The following LIFR variants were observed in gnomAD, a reference collection of about 807,000 sequenced individuals.
LIFR encodes the protein LIF receptor subunit alpha.
A neutral mutation model predicts 122.2 loss-of-function variants in LIFR; 84 were observed. The ratio of observed to expected loss-of-function variants is 0.69; its 90% CI spans 0.58 to 0.82. The LOEUF (loss-of-function observed/expected upper bound fraction) is 0.82. LIFR is among the 40% of genes least tolerant of loss of function. The probability of loss-of-function intolerance (pLI) is 0.00; values close to 1 mark genes in which losing one functional copy is unlikely to be tolerated. For missense variants in LIFR, 1,294 were observed against 1,311.6 expected, an observed-to-expected ratio of 0.99 and a Z score of 0.21; for synonymous variants, 422 against 434.7, an observed-to-expected ratio of 0.97 and a Z score of 0.36.
At chr5:38,571,247 C>T (rs1028507790) in intron 1 of LIFR, among the ~76,000 whole-genome samples, 6 of 152,228 alleles carry the variant, frequency 3.9e-5, no homozygotes, top group East Asian at 3.9e-4. Context: ...TCACTAGAAA[C>T]GAACAAATAG....
intron 1 of LIFR, among the ~76,000 whole-genome samples, chr5:38,606,739 A>G (rs995418573): frequency 1.3e-5 from 2 of 152,196 alleles, no homozygotes; most frequent in African/African-American, 4.8e-5. Flanking sequence ...CCAGGTTCCA[A>G]ATTCATGCCT....
At chr5:38,502,018 G>A (rs1448905404) in intron 11 of LIFR, among the ~76,000 whole-genome samples, 5 of 149,068 alleles carry the variant, frequency 3.4e-5, no homozygotes, top group African/African-American at 1.2e-4. Flanking sequence ...TGAGTTAAAA[G>A]CATAATTAAA....
At chr5:38,523,652 T>C in intron 4 of LIFR, 70 bp from the exon 5 acceptor site, 1 of 1,177,878 alleles carries the variant, frequency 8.5e-7, no homozygotes, top group Non-Finnish European at 1.3e-6. Context: ...GTAACTCCAC[T>C]AATCAACTAC....
chr5:38,518,725 C>A (rs1746239702), intron 5 of LIFR, among the ~76,000 whole-genome samples: 1 of 152,110 alleles, frequency 6.6e-6, no homozygotes, highest in African/African-American at 2.4e-5. Context: ...GAGGGTACTC[C>A]TTCTACATGT....
chr5:38,476,693 TG>T lies in LIFR; in HGVS notation c.*4901del, dbSNP rs2112333738. 4.8e-6 allele frequency: 1 copy of T among 209,426 alleles called. No individual in the cohort carries two copies. The highest frequency in any genetic ancestry group is 1.9e-4 in the South Asian group (1 of 5,338). 13.0% of individuals were successfully genotyped at this position (209,426 alleles called of 1,614,324 possible). On this transcript the variant is annotated 3_prime_UTR_variant, in exon 20 of 20. Transcript: ENST00000453190. ...AAAAAAAAAAATGTAAATCATATTT[TG>T]TTTCTGGCTAATGTTCAATCAGTTT...
chr5:38,578,207 C>CTT (rs3079294), intron 1 of LIFR, among the ~76,000 whole-genome samples: 38,731 of 123,028 alleles, frequency 0.31, 6,487 homozygotes, highest in South Asian at 0.4. Flanking sequence ...TTTTCTTTTT[C>CTT]TTTTTTTTTT....
chr5:38,484,144 G>A (rs1561130457), intron 18 of LIFR, among the ~76,000 whole-genome samples: 3 of 152,144 alleles, frequency 2.0e-5, no homozygotes, highest in Admixed American at 6.5e-5. Context: ...GAACTGTACC[G>A]CAGACCAGCC....
intron 1 of LIFR, among the ~76,000 whole-genome samples, chr5:38,581,962 A>G (rs6878331): frequency 0.094 from 14,309 of 152,054 alleles, 2,247 homozygotes; most frequent in African/African-American, 0.33. Flanking sequence ...TTCTTTTGCC[A>G]CCAGGTAGAG....
At chr5:38,536,471 C>T (rs1301031417) in intron 1 of LIFR, among the ~76,000 whole-genome samples, 1 of 152,122 alleles carries the variant, frequency 6.6e-6, no homozygotes, top group Middle Eastern at 3.2e-3. Context: ...AGGTTATATA[C>T]AAATACCACA....
rs201677366 is a variant in LIFR, at chr5:38,549,268, C to CAA, written c.-20+7065_-20+7066insTT. ...AGAAAATTGTACACACACACACACA[C>CAA]ACACACACACACACACACACTCCAT... On this transcript the variant is annotated intron_variant, in intron 1 of 19. Coordinates refer to ENST00000453190, the MANE Select transcript of LIFR (RefSeq NM_001127671.2). Among the ~76,000 whole-genome samples, 303 of 151,968 alleles carry CAA rather than the reference C, an allele frequency of 2.0e-3. 1 individual carries two copies. Among genetic ancestry groups the CAA allele is most frequent in the African/African-American group, 7.0e-3 (291 of 41,468 alleles).
chr5:38,538,607 A>G (rs780641019), intron 1 of LIFR, among the ~76,000 whole-genome samples: 2 of 151,672 alleles, frequency 1.3e-5, no homozygotes, highest in South Asian at 2.1e-4. Context: ...CTTCTTCCTC[A>G]CACCTCCCAC....
intron 6 of LIFR, among the ~76,000 whole-genome samples, chr5:38,511,424 T>C (rs1039482636): frequency 1.3e-5 from 2 of 152,158 alleles, no homozygotes; most frequent in African/African-American, 2.4e-5. Flanking sequence ...GCAATAACTA[T>C]GCAGCCTCTA....
chr5:38,548,255 T>C (rs546340446), intron 1 of LIFR, among the ~76,000 whole-genome samples: 1 of 152,324 alleles, frequency 6.6e-6, no homozygotes, highest in African/African-American at 2.4e-5. Flanking sequence ...ACCTAGGATA[T>C]TCTCACACTT....
At chr5:38,591,260 C>T (rs1304473386) in intron 1 of LIFR, among the ~76,000 whole-genome samples, 3 of 152,244 alleles carry the variant, frequency 2.0e-5, no homozygotes, top group Admixed American at 2.0e-4. Flanking sequence ...TGGGCCATGT[C>T]ACATTTTAGT....
chr5:38,511,545 T>G (rs1208006600), intron 6 of LIFR, among the ~76,000 whole-genome samples: 7 of 152,076 alleles, frequency 4.6e-5, no homozygotes, highest in African/African-American at 1.7e-4. Context: ...TCAATTCCTA[T>G]GACAGTGATT....
In LIFR at chr5:38,511,711, A is replaced by T. The variant is rs1745812970; in HGVS notation, c.736+79T>A. 2.9e-6 allele frequency: 4 copies of T among 1,391,862 alleles called. No individual in the cohort carries two copies. In the Admixed American group the frequency reaches 6.8e-5, roughly 24 times the overall value. 86.2% of individuals were successfully genotyped at this position (1,391,862 alleles called of 1,614,324 possible). ...CAGCTGAATGAGGTTATGAGAAGTG[A>T]AAGCTCAAACTAAATCTTACTCTTA... On this transcript the variant is annotated intron_variant, in intron 6 of 19. Coordinates refer to ENST00000453190, the MANE Select transcript of LIFR (RefSeq NM_001127671.2).
chr5:38,499,149 A>G (rs576037083), intron 12 of LIFR, among the ~76,000 whole-genome samples: 1 of 152,326 alleles, frequency 6.6e-6, no homozygotes, highest in Admixed American at 6.5e-5. Context: ...TAAATTACAC[A>G]TGAAGTATAT....
At position 38,523,480 on chromosome 5, in the gene LIFR, C is replaced by T. The variant is rs749292272; in HGVS notation, c.500G>A (p.Arg167His). Reference sequence around the variant, plus strand: ...TTTAATTTCCCAGATAACATTTGAGCGGTGTGGAAAAACTGAACCCCTGTC... The same window carrying T: ...TTTAATTTCCCAGATAACATTTGAGTGGTGTGGAAAAACTGAACCCCTGTC... The part of the protein sequence containing the change: ...WNDRGSVFPH[R>H]SNVIWEIKVL... Residue 167 changes from arginine (R) to histidine (H), a missense_variant, in exon 5 of 20, where the codon CGC becomes CAC. Physicochemically the swap from Arg to His is conservative, Grantham distance 29. Transcript: ENST00000453190. 53 of 1,613,312 alleles carry T rather than the reference C, an allele frequency of 3.3e-5. No homozygotes were observed. The East Asian group carries it at 6.7e-4, about 20-fold the overall frequency.
chr5:38,556,350 G>A lies in LIFR; in HGVS notation c.-36C>T. 1 of 151,982 alleles carries A rather than the reference G, an allele frequency of 6.6e-6. No individual in the cohort carries two copies. The highest frequency in any genetic ancestry group is 1.5e-5 in the Non-Finnish European group (1 of 68,104). The allele number at this position is 151,982 out of a possible 1,614,324, so 9.4% of individuals were successfully genotyped here. A position where few individuals can be genotyped will look rare whatever the true frequency, so the allele number is the denominator to read the frequency against. On this transcript the variant is annotated 5_prime_UTR_variant, in exon 1 of 20. Transcript: ENST00000453190. The stretch of plus-strand genomic sequence containing the variant: ...AGGACTCACGGTACGCTCCCGCGCC[G>A]CTATCTTGCCATCCCCTGCCGCCGG...
Sources: allele counts gnomAD v4.1 joint callset (sites outside exome capture counted in the v4.1 genomes callset), GRCh38; gene constraint gnomAD v4.1.1; transcripts MANE v1.5; gene names NCBI Gene and HGNC (gene_info 2026-07-23, HGNC 2026-07-21).